ITGA9: variants seen among roughly 807,000 people sequenced by gnomAD.
The protein encoded by ITGA9 is integrin alpha-9.
A neutral mutation model predicts 127.8 loss-of-function variants in ITGA9; 56 were observed. That is an observed-to-expected ratio of 0.44 (90% CI 0.35 to 0.55). The LOEUF is 0.55. Ranked by LOEUF, ITGA9 falls within the 20% of genes least tolerant of loss-of-function variation. The probability of loss-of-function intolerance (pLI) is 0.00; values close to 1 mark genes in which losing one functional copy is unlikely to be tolerated. For synonymous variants in ITGA9, 508 were observed against 514.5 expected, an observed-to-expected ratio of 0.99 and a Z score of 0.17; for missense variants, 1,196 against 1,347.1, an observed-to-expected ratio of 0.89 and a Z score of 1.76.
At chr3:37,712,816 C>T (rs903055913) in intron 18 of ITGA9, among the ~76,000 whole-genome samples, 11 of 152,086 alleles carry the variant, frequency 7.2e-5, no homozygotes, top group Admixed American at 4.6e-4. Context: ...CACCTCCTAA[C>T]GGGTTGGGAG....
intron 15 of ITGA9, among the ~76,000 whole-genome samples, chr3:37,557,584 G>T (rs1324196051): frequency 6.6e-6 from 1 of 152,152 alleles, no homozygotes; most frequent in East Asian, 1.9e-4. Context: ...TTTGTGTGAA[G>T]AGGGTGACAG....
intron 16 of ITGA9, among the ~76,000 whole-genome samples, chr3:37,640,523 G>A (rs951677879): frequency 3.3e-5 from 5 of 152,068 alleles, no homozygotes; most frequent in African/African-American, 9.7e-5. Flanking sequence ...CTAGATAATC[G>A]TCCAGACCAG....
At chr3:37,545,553 C>T (rs1699318034) in intron 15 of ITGA9, among the ~76,000 whole-genome samples, 1 of 152,212 alleles carries the variant, frequency 6.6e-6, no homozygotes, top group African/African-American at 2.4e-5. Flanking sequence ...TGATAAGGCA[C>T]ATCCTCCTGA....
rs3821912 is a variant in ITGA9, at chr3:37,688,252, C to G, written c.2067+4237C>G. Among the ~76,000 whole-genome samples the G allele has an allele frequency of 1.4e-4, 22 of 152,286 alleles. 1 individual carries two copies. In the East Asian group the frequency reaches 4.2e-3, roughly 29 times the overall value. Reference sequence around the variant, plus strand: ...AATGTGAGCGAGGTGCTAGCCACATCTGCTATAGTAACCATGAGAGCTTCC... The same window carrying G: ...AATGTGAGCGAGGTGCTAGCCACATGTGCTATAGTAACCATGAGAGCTTCC... On this transcript the variant is annotated intron_variant, in intron 18 of 27. Transcript: ENST00000264741.
At chr3:37,522,222 G>A (rs155525) in intron 11 of ITGA9, among the ~76,000 whole-genome samples, 93,616 of 151,740 alleles carry the variant, frequency 0.62, 29,234 homozygotes, top group East Asian at 0.86. Flanking sequence ...ATCAGGAAGT[G>A]AGCCTCCCCT....
At chr3:37,526,003 C>T (rs201481192) in intron 12 of ITGA9, 23 bp from the exon 13 acceptor site, 82 of 1,611,738 alleles carry the variant, frequency 5.1e-5, no homozygotes, top group Non-Finnish European at 6.5e-5. Flanking sequence ...AGTTTCTGAA[C>T]GCTGTAAACT....
At position 37,706,683 on chromosome 3, in the gene ITGA9, A is replaced by C. The variant is rs77122650; in HGVS notation, c.2067+22668A>C. 5.3e-4 allele frequency among the ~76,000 whole-genome samples: 80 copies of C among 152,316 alleles called. No individual in the cohort carries two copies. The East Asian group carries it at 0.014, about 27-fold the overall frequency. On this transcript the variant is annotated intron_variant, in intron 18 of 27. Transcript: ENST00000264741. ...GTCATTGAGTTTGGGTGCCCTCAGA[A>C]TGCTACTGAAGATGGTACAAAGCTG...
At chr3:37,477,238 G>A (rs1022928963) in intron 3 of ITGA9, among the ~76,000 whole-genome samples, 3 of 152,242 alleles carry the variant, frequency 2.0e-5, no homozygotes, top group African/African-American at 7.2e-5. Flanking sequence ...GTGTAGGCAA[G>A]AGACCAGTAT....
chr3:37,575,262 G>A (rs980138984), intron 15 of ITGA9, among the ~76,000 whole-genome samples: 2 of 152,108 alleles, frequency 1.3e-5, no homozygotes, highest in African/African-American at 2.4e-5. Context: ...GCAGAGTGCC[G>A]CAAGGAGGAG....
At chr3:37,729,133 A>T (rs1415295197) in intron 18 of ITGA9, among the ~76,000 whole-genome samples, 1 of 152,122 alleles carries the variant, frequency 6.6e-6, no homozygotes, top group Non-Finnish European at 1.5e-5. Flanking sequence ...CAGCATCCAC[A>T]CAAGGAGTGG....
intron 26 of ITGA9, among the ~76,000 whole-genome samples, chr3:37,789,662 G>A (rs1270867868): frequency 6.6e-5 from 10 of 150,420 alleles, no homozygotes; most frequent in Admixed American, 1.3e-4. Context: ...CCAGCTACTC[G>A]GGAGGCTGAG....
At chr3:37,685,400 G>A (rs1700773364) in intron 18 of ITGA9, among the ~76,000 whole-genome samples, 1 of 152,180 alleles carries the variant, frequency 6.6e-6, no homozygotes, top group African/African-American at 2.4e-5. Context: ...GACTGCAGGA[G>A]GGGTGTGCTT....
intron 20 of ITGA9, among the ~76,000 whole-genome samples, chr3:37,738,030 C>T (rs1355742569): frequency 3.3e-5 from 5 of 152,184 alleles, no homozygotes; most frequent in Admixed American, 2.0e-4. Context: ...TGAACATTGA[C>T]ACTATGCTAT....
chr3:37,574,195 A>G (rs1699630356), intron 15 of ITGA9, among the ~76,000 whole-genome samples: 1 of 152,158 alleles, frequency 6.6e-6, no homozygotes, highest in African/African-American at 2.4e-5. Flanking sequence ...TTTGGTTCTG[A>G]TATTCTTCAT....
chr3:37,468,676 G>C (rs1394548170), intron 1 of ITGA9, among the ~76,000 whole-genome samples: 1 of 152,158 alleles, frequency 6.6e-6, no homozygotes, highest in Non-Finnish European at 1.5e-5. Context: ...GGGAGCCTGG[G>C]TCAGCTTTCT....
chr3:37,666,294 A>G lies in ITGA9; in HGVS notation c.1916+12504A>G, dbSNP rs72857280. Among the ~76,000 whole-genome samples the G allele has an allele frequency of 4.4e-3, 669 of 152,312 alleles. 7 individuals carry two copies. Among genetic ancestry groups the G allele is most frequent in the African/African-American group, 0.015 (624 of 41,566 alleles). On this transcript the variant is annotated intron_variant, in intron 17 of 27. Coordinates refer to ENST00000264741, the MANE Select transcript of ITGA9 (RefSeq NM_002207.3). ...TGAGCAGTGCAGGAAATGAAGAAGT[A>G]AGGAAGTACACAGGGAAGCCTGCGG...
intron 15 of ITGA9, among the ~76,000 whole-genome samples, chr3:37,544,108 G>T (rs1397631172): frequency 6.6e-6 from 1 of 152,196 alleles, no homozygotes; most frequent in Non-Finnish European, 1.5e-5. Context: ...CTTCTTGCTA[G>T]GTCTGTTCAC....
chr3:37,471,883 A>C (rs529958067), intron 2 of ITGA9, among the ~76,000 whole-genome samples: 1 of 152,086 alleles, frequency 6.6e-6, no homozygotes, highest in African/African-American at 2.4e-5. Context: ...GTGAAAGCCT[A>C]TCTCTACTAA....
At chr3:37,558,757 G>C (rs573794872) in intron 15 of ITGA9, among the ~76,000 whole-genome samples, 2 of 152,308 alleles carry the variant, frequency 1.3e-5, no homozygotes, top group Admixed American at 1.3e-4. Context: ...GACTTGGCAA[G>C]TGAAGCATTC....
Sources: gnomAD v4.1 joint callset for allele counts (sites outside exome capture counted in the v4.1 genomes callset) on GRCh38, gnomAD v4.1.1 for gene constraint, MANE v1.5 for transcripts, NCBI Gene and HGNC (gene_info 2026-07-23, HGNC 2026-07-21) for gene names.